Variants in ZFP91 observed in about 807,000 individuals in gnomAD.
The protein encoded by ZFP91 is ZFP91 zinc finger protein, atypical E3 ubiquitin ligase.
ZFP91 carries 7 observed loss-of-function variants against 63.5 expected under a neutral mutation model. That is an observed-to-expected ratio of 0.11 (90% CI 0.06 to 0.21). The LOEUF (loss-of-function observed/expected upper bound fraction) is 0.21. ZFP91 is among the 10% of genes least tolerant of loss of function. ZFP91 has a pLI of 1.00. For missense variants in ZFP91, 628 were observed against 736.6 expected (o/e 0.85, Z 1.71); for synonymous variants, 330 against 272.1 (o/e 1.21, Z -2.10).
At chr11:58,601,849 T>C (rs1855495405) in intron 2 of ZFP91, among the ~76,000 whole-genome samples, 1 of 152,220 alleles carries the variant, frequency 6.6e-6, no homozygotes, top group African/African-American at 2.4e-5. Flanking sequence ...TTTCATTCAA[T>C]TGTGGTCAGA....
chr11:58,582,541 A>C (rs190456672), intron 1 of ZFP91, among the ~76,000 whole-genome samples: 1 of 152,314 alleles, frequency 6.6e-6, no homozygotes, highest in Admixed American at 6.5e-5. Context: ...CCATAGTTTA[A>C]AAGGTCAAGA....
intron 2 of ZFP91, among the ~76,000 whole-genome samples, chr11:58,597,098 G>T (rs2134403252): frequency 6.6e-6 from 1 of 152,250 alleles, no homozygotes; most frequent in South Asian, 2.1e-4. Flanking sequence ...TAACTGGCAA[G>T]GTACTTTTTT....
rs759321535 is a variant in ZFP91 at position 58,611,610 on chromosome 11, C to G, written c.729C>G (p.Thr243=). ...ETYKPHLERE[T]PKPRRKSGKV... is the part of the protein sequence containing the mutation. ...AATGCATTTGTGTTTTCAGGGAAACCCCAAAGCCACGGAGAAAATCAGGGA... is the reference window on the plus strand; with the variant it reads ...AATGCATTTGTGTTTTCAGGGAAACGCCAAAGCCACGGAGAAAATCAGGGA... The change falls in exon 6 of 11, where the codon ACC becomes ACG. Residue 243 remains threonine (T), a synonymous_variant. Coordinates refer to ENST00000316059, the MANE Select transcript of ZFP91 (RefSeq NM_053023.5). The G allele has an allele frequency of 1.9e-6, 3 of 1,609,694 alleles. No homozygotes were observed. In the South Asian group the frequency reaches 3.3e-5, roughly 18 times the overall value.
chr11:58,580,024 C>T (rs1163386398), intron 1 of ZFP91, among the ~76,000 whole-genome samples: 1 of 152,000 alleles, frequency 6.6e-6, no homozygotes, highest in East Asian at 1.9e-4. Context: ...CCGATCATAG[C>T]CTTCAAAAAT....
chr11:58,603,351 A>G (rs530324683), intron 2 of ZFP91, among the ~76,000 whole-genome samples: 1 of 152,342 alleles, frequency 6.6e-6, no homozygotes, highest in East Asian at 1.9e-4. Context: ...CAAATAGTGT[A>G]TTGTGGTACA....
chr11:58,612,061 T>C (rs990148143), intron 6 of ZFP91: 19 of 576,730 alleles, frequency 3.3e-5, no homozygotes, highest in Non-Finnish European at 5.5e-5. Context: ...ATGGAAGGTA[T>C]ATATTTAATC....
At chr11:58,587,694 C>G (rs1431268493) in intron 2 of ZFP91, among the ~76,000 whole-genome samples, 3 of 152,098 alleles carry the variant, frequency 2.0e-5, no homozygotes, top group African/African-American at 7.2e-5. Context: ...AAAGAATAGT[C>G]TACCTACACG....
At chr11:58,590,016 A>G (rs528741642) in intron 2 of ZFP91, among the ~76,000 whole-genome samples, 1 of 152,306 alleles carries the variant, frequency 6.6e-6, no homozygotes, top group East Asian at 1.9e-4. Flanking sequence ...TCTGCTATAT[A>G]TATTATTTTA....
chr11:58,610,031 T>C lies in ZFP91; in HGVS notation c.572T>C (p.Leu191Pro). 1 of 1,614,148 alleles carries C rather than the reference T, an allele frequency of 6.2e-7. No homozygotes were observed. The highest frequency in any genetic ancestry group is 8.5e-7 in the Non-Finnish European group (1 of 1,180,000). ...ICKSEPNTDQLDYDVGEEHQS... is the reference protein window; with the variant it reads ...ICKSEPNTDQPDYDVGEEHQS... ...AAGTCAGAACCAAATACAGACCAACTTGATTATGGTACAGTGCAACTAGAA... is the reference window on the plus strand; with the variant it reads ...AAGTCAGAACCAAATACAGACCAACCTGATTATGGTACAGTGCAACTAGAA... Residue 191 changes from leucine (L) to proline (P), a missense_variant, in exon 3 of 11, where the codon CTT (leucine) becomes CCT (proline). Transcript: ENST00000316059.
chr11:58,609,958 A>C lies in ZFP91; in HGVS notation c.499A>C (p.Asn167His). ...TSVSRHRDTE[N>H]TRSSRSKTGS... ...TGTTTCTCGCCATCGTGATACAGAG[A>C]ACACCCGAAGCTCTCGGTCCAAGAC... The change falls in exon 3 of 11, where the codon AAC (asparagine) becomes CAC (histidine). Residue 167 changes from asparagine (N) to histidine (H), a missense_variant. Transcript: ENST00000316059. 1 of 1,614,212 alleles carries C rather than the reference A, an allele frequency of 6.2e-7. No individual in the cohort carries two copies. The highest frequency in any genetic ancestry group is 8.5e-7 in the Non-Finnish European group (1 of 1,180,040).
chr11:58,600,578 ATATG>A (rs1281135770), intron 2 of ZFP91, among the ~76,000 whole-genome samples: 1 of 152,122 alleles, frequency 6.6e-6, no homozygotes, highest in Non-Finnish European at 1.5e-5. Flanking sequence ...AGAATTTTCT[ATATG>A]TAAGGTCTTT....
At position 58,611,683 on chromosome 11, in the gene ZFP91, G is replaced by A. The variant is rs749306650; in HGVS notation, c.802G>A (p.Val268Met). 20 of 1,612,382 alleles carry A rather than the reference G, an allele frequency of 1.2e-5. No individual in the cohort carries two copies. The highest frequency in any genetic ancestry group is 1.7e-5 in the Non-Finnish European group (20 of 1,179,148). The change falls in exon 6 of 11, where the codon GTG becomes ATG. Residue 268 changes from valine to methionine, a missense_variant. Val to Met is a conservative substitution (Grantham distance 21). This residue lies in a region of ZFP91 where 437 missense variants were observed against 380.3 expected (regional missense o/e 1.15). Transcript: ENST00000316059. Reference protein sequence around the residue: ...EKKEIKVEVEVEVKEEENEIR... With the variant: ...EKKEIKVEVEMEVKEEENEIR... ...GAAGGAAATTAAAGTGGAAGTAGAG[G>A]TGGAGGTGAAAGAAGAGGAGAATGA...
rs1855847214 is a variant in ZFP91 at position 58,621,262 on chromosome 11, T to A, written c.*3556T>A. Among the ~76,000 whole-genome samples the A allele has an allele frequency of 6.6e-6, 1 of 152,240 alleles. No individual in the cohort carries two copies. Among genetic ancestry groups the A allele is most frequent in the Non-Finnish European group, 1.5e-5 (1 of 68,040 alleles). ...AGCAAACTTGGAAATCTTGATGTTT[T>A]GACAACTGCCTCCTAGGAAAACTGG... On this transcript the variant is annotated 3_prime_UTR_variant, in exon 11 of 11. Coordinates refer to ENST00000316059, the MANE Select transcript of ZFP91 (RefSeq NM_053023.5).
intron 8 of ZFP91, among the ~76,000 whole-genome samples, chr11:58,613,568 TAAATACA>T (rs1280136635): frequency 6.6e-6 from 1 of 152,198 alleles, no homozygotes; most frequent in Non-Finnish European, 1.5e-5. Context: ...CAATGTGGTG[TAAATACA>T]GAGTAACATT....
Position 58,611,074 on chromosome 11 carries a change from G to A in ZFP91, c.722+20G>A. 3 of 1,599,670 alleles carry A rather than the reference G, an allele frequency of 1.9e-6. No individual in the cohort carries two copies. Among genetic ancestry groups the A allele is most frequent in the South Asian group, 2.2e-5 (2 of 90,448 alleles). ...AGAAAGGCATGTCTCAGATTTTACT[G>A]CAGACATGTTAATGAAATATAAGTA... On this transcript the variant is annotated intron_variant, in intron 5 of 10. Coordinates refer to ENST00000316059, the MANE Select transcript of ZFP91 (RefSeq NM_053023.5).
chr11:58,599,149 G>T (rs1855453530), intron 2 of ZFP91, among the ~76,000 whole-genome samples: 1 of 151,890 alleles, frequency 6.6e-6, no homozygotes, highest in African/African-American at 2.4e-5. Flanking sequence ...CCTTTTTATG[G>T]CTGGATAAAA....
In ZFP91 at chr11:58,614,213, A is replaced by G. The variant is rs1938596; in HGVS notation, c.988-16A>G. ...TAATTTTTTTTTTTTCGCCCCTTTC[A>G]CTTTCTCTGTTTTAGCACCACATTA... is the stretch of plus-strand genomic sequence containing the variant. On this transcript the variant is annotated splice_polypyrimidine_tract_variant and intron_variant, in intron 8 of 10. Transcript: ENST00000316059. The G allele has an allele frequency of 0.44, 653,726 of 1,502,596 alleles. 145,799 individuals carry two copies. Among genetic ancestry groups the G allele is most frequent in the African/African-American group, 0.66 (46,543 of 70,600 alleles). The allele number at this position is 1,502,596 out of a possible 1,614,324, so 93.1% of individuals were successfully genotyped here.
At chr11:58,604,540 A>G (rs1590623817) in intron 2 of ZFP91, among the ~76,000 whole-genome samples, 1 of 152,320 alleles carries the variant, frequency 6.6e-6, no homozygotes, top group East Asian at 1.9e-4. Flanking sequence ...CTGGTAGACT[A>G]ATACATTATT....
chr11:58,606,074 T>TG lies in ZFP91; in HGVS notation c.371-3748dup, dbSNP rs199805860. 5.1e-3 allele frequency among the ~76,000 whole-genome samples: 773 copies of TG among 151,748 alleles called. 5 individuals are homozygous for TG. Among genetic ancestry groups the TG allele is most frequent in the Middle Eastern group, 0.027 (8 of 294 alleles). On this transcript the variant is annotated intron_variant, in intron 2 of 10. Transcript: ENST00000316059. ...TTTTTTTCTCTTAGTTCCTTTTTTG[T>TG]GGGGGGGGTGTGGTTTCACTCTTGT...
Sources: gnomAD v4.1 joint callset for allele counts (sites outside exome capture counted in the v4.1 genomes callset) on GRCh38, gnomAD v4.1.1 for gene constraint, gnomAD v4.1.1 regional missense constraint, MANE v1.5 for transcripts, NCBI Gene and HGNC (gene_info 2026-07-23, HGNC 2026-07-21) for gene names.